AMPH: variants seen among roughly 807,000 people sequenced by gnomAD.
AMPH encodes amphiphysin (Stiff-Mann syndrome with breast cancer 128kD autoantigen).
AMPH carries 49 observed loss-of-function variants against 99.1 expected under a neutral mutation model. That is an observed-to-expected ratio of 0.49 (90% CI 0.39 to 0.63). The LOEUF (loss-of-function observed/expected upper bound fraction) is 0.63, where lower values mean the gene tolerates loss of function less well. AMPH is among the 20% of genes least tolerant of loss of function. AMPH has a pLI of 0.00. For synonymous variants in AMPH, 314 were observed against 317.3 expected (o/e 0.99, Z 0.11); for missense variants, 759 against 863.4 (o/e 0.88, Z 1.52).
At chr7:38,421,171 T>C (rs1054156858) in intron 16 of AMPH, among the ~76,000 whole-genome samples, 8 of 152,364 alleles carry the variant, frequency 5.3e-5, no homozygotes, top group Middle Eastern at 3.4e-3. Flanking sequence ...GGACCAGCCA[T>C]GGATGACAGG....
At chr7:38,479,446 G>C (rs891646795) in intron 5 of AMPH, among the ~76,000 whole-genome samples, 2 of 151,946 alleles carry the variant, frequency 1.3e-5, no homozygotes, top group Non-Finnish European at 2.9e-5. Flanking sequence ...GAGCTACACA[G>C]AAAAATGAGT....
At chr7:38,398,565 G>A (rs1006622171) in intron 17 of AMPH, among the ~76,000 whole-genome samples, 1 of 152,136 alleles carries the variant, frequency 6.6e-6, no homozygotes, top group East Asian at 1.9e-4. Flanking sequence ...GAGGAAGTAG[G>A]GGGGATGGTT....
At chr7:38,513,441 A>G (rs539616409) in intron 2 of AMPH, among the ~76,000 whole-genome samples, 20 of 152,338 alleles carry the variant, frequency 1.3e-4, no homozygotes, top group Non-Finnish European at 1.9e-4. Flanking sequence ...TATAGAAATC[A>G]TTTCTTCAAA....
At chr7:38,631,004 C>T (rs1490979362) in intron 1 of AMPH, among the ~76,000 whole-genome samples, 1 of 152,176 alleles carries the variant, frequency 6.6e-6, no homozygotes, top group East Asian at 1.9e-4. Context: ...GAGCGGCAAC[C>T]CGGGGCCGGC....
chr7:38,441,835 C>CATATATCATATATATCAT (rs376039234), intron 11 of AMPH, among the ~76,000 whole-genome samples: 3 of 119,852 alleles, frequency 2.5e-5, no homozygotes, highest in African/African-American at 3.5e-5. Flanking sequence ...TCATATATAT[C>CATATATCATATATATCAT]ATATATCATA....
At chr7:38,561,156 T>G (rs1292228978) in intron 1 of AMPH, among the ~76,000 whole-genome samples, 1 of 152,216 alleles carries the variant, frequency 6.6e-6, no homozygotes, top group African/African-American at 2.4e-5. Flanking sequence ...ATATGGCCAC[T>G]GCCATGTGAG....
Position 38,602,913 on chromosome 7 carries a change from G to A in AMPH, c.69+28370C>T, listed in dbSNP as rs939466616. Among the ~76,000 whole-genome samples the A allele has an allele frequency of 9.9e-5, 15 of 152,060 alleles. 1 individual carries two copies. Among genetic ancestry groups the A allele is most frequent in the Admixed American group, 4.6e-4 (7 of 15,280 alleles). ...CATTCTCCAAAATTACTGGTGTATC[G>A]TCTTCAAAAAGTCAATATCCCGGCC... On this transcript the variant is annotated intron_variant, in intron 1 of 20. Transcript: ENST00000356264.
chr7:38,534,901 C>G (rs191969085), intron 2 of AMPH, 30 bp downstream of exon 2: 1 of 1,585,536 alleles, frequency 6.3e-7, no homozygotes, highest in East Asian at 2.2e-5. Context: ...AAACAATTTC[C>G]CACTCCAGAA....
At chr7:38,504,992 G>T (rs1789270459) in intron 2 of AMPH, among the ~76,000 whole-genome samples, 1 of 152,154 alleles carries the variant, frequency 6.6e-6, no homozygotes, top group Non-Finnish European at 1.5e-5. Context: ...AACAAACATT[G>T]TTAGTATTTG....
intron 9 of AMPH, among the ~76,000 whole-genome samples, chr7:38,463,570 T>C (rs191500429): frequency 4.7e-4 from 71 of 152,310 alleles, no homozygotes; most frequent in Admixed American, 3.4e-3. Context: ...TCACAATCTA[T>C]AAAAAACTAT....
intron 1 of AMPH, among the ~76,000 whole-genome samples, chr7:38,570,504 C>T (rs1357189123): frequency 6.6e-6 from 1 of 152,060 alleles, no homozygotes; most frequent in East Asian, 1.9e-4. Flanking sequence ...GATGTTGCAG[C>T]CATAGCGATA....
At chr7:38,600,973 T>G (rs889722344) in intron 1 of AMPH, among the ~76,000 whole-genome samples, 1 of 152,190 alleles carries the variant, frequency 6.6e-6, no homozygotes, top group East Asian at 1.9e-4. Context: ...CAAAAGACGA[T>G]TACAAATGAT....
At chr7:38,585,127 G>C (rs546989563) in intron 1 of AMPH, among the ~76,000 whole-genome samples, 1 of 152,022 alleles carries the variant, frequency 6.6e-6, no homozygotes, top group Non-Finnish European at 1.5e-5. Flanking sequence ...GTTTATTTAC[G>C]GGGTGCCAGT....
chr7:38,458,199 A>G (rs1267798019), intron 11 of AMPH, among the ~76,000 whole-genome samples: 1 of 152,276 alleles, frequency 6.6e-6, no homozygotes, highest in South Asian at 2.1e-4. Flanking sequence ...AAAACTCCAC[A>G]TGTATCCCCT....
intron 11 of AMPH, among the ~76,000 whole-genome samples, chr7:38,451,318 CATATATACACAT>C (rs1787011024): frequency 7.5e-6 from 1 of 134,044 alleles, no homozygotes; most frequent in Admixed American, 7.6e-5. Context: ...TGTATATACA[CATATATACACAT>C]GTATATATAC....
intron 2 of AMPH, among the ~76,000 whole-genome samples, chr7:38,525,849 C>T (rs531520634): frequency 1.7e-4 from 26 of 152,180 alleles, no homozygotes; most frequent in Non-Finnish European, 3.8e-4. Context: ...TATTCACCCC[C>T]TGAAGGACAT....
chr7:38,600,325 C>T (rs1406647110), intron 1 of AMPH, among the ~76,000 whole-genome samples: 1 of 151,960 alleles, frequency 6.6e-6, no homozygotes, highest in African/African-American at 2.4e-5. Flanking sequence ...CCTTCCATTC[C>T]ATGCCTCTTT....
intron 1 of AMPH, among the ~76,000 whole-genome samples, chr7:38,536,050 C>T (rs548205040): frequency 2.0e-5 from 3 of 152,242 alleles, no homozygotes; most frequent in Non-Finnish European, 2.9e-5. Flanking sequence ...ACTCAAGGCC[C>T]CATGCTAAAC....
chr7:38,417,757 T>C (rs1255489787), intron 17 of AMPH, 68 bp downstream of exon 17: 3 of 1,583,214 alleles, frequency 1.9e-6, no homozygotes, highest in East Asian at 2.3e-5. Flanking sequence ...GAGCGATGCA[T>C]ATGGTCATGA....
Sources: gnomAD v4.1 joint callset for allele counts (sites outside exome capture counted in the v4.1 genomes callset) on GRCh38, gnomAD v4.1.1 for gene constraint, MANE v1.5 for transcripts, NCBI Gene and HGNC (gene_info 2026-07-23, HGNC 2026-07-21) for gene names.